CPED1: variants seen among roughly 807,000 people sequenced by gnomAD.
CPED1 encodes cadherin-like and PC-esterase domain-containing protein 1.
In CPED1, 114 loss-of-function variants were observed where a neutral mutation model predicts 128.2. That is an observed-to-expected ratio of 0.89 (90% confidence interval 0.76 to 1.04). CPED1 has a LOEUF of 1.04. Ranked by LOEUF, CPED1 falls within the 50% of genes least tolerant of loss-of-function variation. The probability of loss-of-function intolerance (pLI) is 0.00; values close to 1 mark genes in which losing one functional copy is unlikely to be tolerated. For missense variants in CPED1, 1,211 were observed against 1,207.1 expected, an observed-to-expected ratio of 1.00 and a Z score of -0.05; for synonymous variants, 462 against 426.7, an observed-to-expected ratio of 1.08 and a Z score of -1.02.
At chr7:120,998,270 A>G (rs1324422519) in intron 2 of CPED1, among the ~76,000 whole-genome samples, 1 of 152,232 alleles carries the variant, frequency 6.6e-6, no homozygotes, top group African/African-American at 2.4e-5. Flanking sequence ...GCTCTAGGAA[A>G]CTAATAAATT....
chr7:121,122,139 AT>A (rs34817474), intron 7 of CPED1, among the ~76,000 whole-genome samples: 39 of 127,284 alleles, frequency 3.1e-4, no homozygotes, highest in South Asian at 2.3e-3. Context: ...ACTCATCTGG[AT>A]TTTTTTTTTT....
At chr7:121,208,216 A>T (rs1038990231) in intron 16 of CPED1, among the ~76,000 whole-genome samples, 1 of 152,070 alleles carries the variant, frequency 6.6e-6, no homozygotes, top group Non-Finnish European at 1.5e-5. Context: ...TTTATTTTAT[A>T]TATTACGTAT....
chr7:121,014,997 A>G (rs927693656), intron 2 of CPED1, among the ~76,000 whole-genome samples: 1 of 152,226 alleles, frequency 6.6e-6, no homozygotes, highest in African/African-American at 2.4e-5. Flanking sequence ...TTGTTATTAG[A>G]ATTTCAATTT....
At chr7:121,225,790 G>A (rs965392799) in intron 16 of CPED1, among the ~76,000 whole-genome samples, 2 of 151,990 alleles carry the variant, frequency 1.3e-5, no homozygotes, top group East Asian at 1.9e-4. Context: ...GCTTGTGTAT[G>A]CATCACGAAG....
intron 18 of CPED1, among the ~76,000 whole-genome samples, chr7:121,249,857 C>G (rs1005513592): frequency 6.6e-6 from 1 of 152,068 alleles, no homozygotes; most frequent in African/African-American, 2.4e-5. Flanking sequence ...CTTAGACTCC[C>G]ACACAATAAT....
At position 121,141,988 on chromosome 7, in the gene CPED1, T is replaced by G; in HGVS notation, c.1902T>G (p.Pro634=). 6.2e-7 allele frequency: 1 copy of G among 1,612,348 alleles called. No individual in the cohort carries two copies. The highest frequency in any genetic ancestry group is 8.5e-7 in the Non-Finnish European group (1 of 1,178,796). ...EQAGPSFASY[P]LGLGMNKISI... ...TTCTCTCCAGCTTTGCCAGCTACCC[T>G]CTGGGCTTAGGAATGAACAAAATCT... The change falls in exon 16 of 23, where the codon CCT becomes CCG. Residue 634 remains proline (P), a synonymous_variant. Coordinates refer to ENST00000310396, the MANE Select transcript of CPED1 (RefSeq NM_024913.5).
chr7:121,031,789 A>G (rs1792741941), intron 3 of CPED1, among the ~76,000 whole-genome samples: 1 of 152,202 alleles, frequency 6.6e-6, no homozygotes. Flanking sequence ...TATATTATTG[A>G]CTAAATACAT....
At chr7:121,238,546 G>GCT (rs1186776028) in intron 17 of CPED1, among the ~76,000 whole-genome samples, 1 of 151,970 alleles carries the variant, frequency 6.6e-6, no homozygotes, top group African/African-American at 2.4e-5. Flanking sequence ...CTCTACAACA[G>GCT]CTCTTACCAT....
At chr7:121,100,536 T>C (rs1166410848) in intron 7 of CPED1, among the ~76,000 whole-genome samples, 1 of 152,094 alleles carries the variant, frequency 6.6e-6, no homozygotes, top group Non-Finnish European at 1.5e-5. Flanking sequence ...GAGTGAAAAA[T>C]AAAGCTCTCA....
chr7:121,063,381 G>GA (rs368502123), intron 4 of CPED1, among the ~76,000 whole-genome samples: 908 of 67,028 alleles, frequency 0.014, 48 homozygotes, highest in South Asian at 0.12. Context: ...TGAAGAAACT[G>GA]AAAAAAAAAA....
At chr7:121,262,530 G>T (rs1792041767) in intron 18 of CPED1, among the ~76,000 whole-genome samples, 1 of 151,984 alleles carries the variant, frequency 6.6e-6, no homozygotes, top group African/African-American at 2.4e-5. Flanking sequence ...ACATGTCTTT[G>T]TGTTTAAAAC....
rs559955994 is a variant in CPED1, at chr7:121,031,206, C to T, written c.433+15358C>T. On this transcript the variant is annotated intron_variant, in intron 3 of 22. Coordinates refer to ENST00000310396, the MANE Select transcript of CPED1 (RefSeq NM_024913.5). ...CTTGTTGCTATAAAATACAACTTTG[C>T]TGTGATATTCATTTATATCATATTT... is the stretch of plus-strand genomic sequence containing the variant. Among the ~76,000 whole-genome samples the T allele has an allele frequency of 6.6e-5, 10 of 152,234 alleles. No individual in the cohort carries two copies. The South Asian group carries it at 2.1e-3, about 32-fold the overall frequency.
intron 22 of CPED1, among the ~76,000 whole-genome samples, chr7:121,280,109 G>A (rs571254956): frequency 2.0e-5 from 3 of 152,288 alleles, no homozygotes; most frequent in African/African-American, 7.2e-5. Context: ...AAGTTCAAGA[G>A]CGTTAGATAG....
chr7:121,130,177 ATGTGGCAAATCC>A lies in CPED1; in HGVS notation c.1466_1477del (p.Ala489_Val492del), dbSNP rs1795626333. The A allele has an allele frequency of 6.2e-7, 1 of 1,612,942 alleles. No individual in the cohort carries two copies. Among genetic ancestry groups the A allele is most frequent in the African/African-American group, 1.3e-5 (1 of 74,862 alleles). On this transcript the variant is annotated inframe_deletion, in exon 12 of 23. Coordinates refer to ENST00000310396, the MANE Select transcript of CPED1 (RefSeq NM_024913.5). ...CAGTCACTGATGCATGAATTTTATG[ATGTGGCAAATCC>A]TGTGGGAAATCCTGGCTCAGTCCTG...
intron 22 of CPED1, among the ~76,000 whole-genome samples, chr7:121,275,854 T>C (rs1437839098): frequency 6.6e-6 from 1 of 151,858 alleles, no homozygotes; most frequent in African/African-American, 2.4e-5. Context: ...TAAAGTGTTT[T>C]ACTTTCTCCT....
rs191308115 is a variant in CPED1, at chr7:121,280,433, C to T, written c.2868+9003C>T. On this transcript the variant is annotated intron_variant, in intron 22 of 22. Transcript: ENST00000310396. ...ATTTGTTCCCAGAGCCAACGCTCAGCGTTGTCCAAGGGCAGGAGTTACAAA... is the reference window on the plus strand; with the variant it reads ...ATTTGTTCCCAGAGCCAACGCTCAGTGTTGTCCAAGGGCAGGAGTTACAAA... Among the ~76,000 whole-genome samples the T allele has an allele frequency of 1.6e-3, 243 of 152,252 alleles. 2 individuals are homozygous for T. Among genetic ancestry groups the T allele is most frequent in the Admixed American group, 5.6e-3 (85 of 15,282 alleles).
At chr7:121,059,327 A>G (rs1015941040) in intron 4 of CPED1, among the ~76,000 whole-genome samples, 2 of 152,216 alleles carry the variant, frequency 1.3e-5, no homozygotes, top group African/African-American at 4.8e-5. Context: ...CACTTGAGAC[A>G]TGGGGAGAAA....
chr7:121,060,320 G>C (rs368547212), intron 4 of CPED1, among the ~76,000 whole-genome samples: 20 of 152,370 alleles, frequency 1.3e-4, no homozygotes, highest in East Asian at 7.7e-4. Flanking sequence ...TGAGGAGTGC[G>C]GGCGCACGGC....
rs548693571 is a variant in CPED1, at chr7:121,021,220, G to T, written c.433+5372G>T. 1.9e-4 allele frequency among the ~76,000 whole-genome samples: 29 copies of T among 152,040 alleles called. No individual in the cohort carries two copies. The East Asian group carries it at 5.6e-3, about 29-fold the overall frequency. On this transcript the variant is annotated intron_variant, in intron 3 of 22. Transcript: ENST00000310396. ...AAAAGATATAGTTAATAGAGCAAGAGATACAGATCACTACTTAATGTTGTG... is the reference window on the plus strand; with the variant it reads ...AAAAGATATAGTTAATAGAGCAAGATATACAGATCACTACTTAATGTTGTG...
Sources: allele counts gnomAD v4.1 joint callset (sites outside exome capture counted in the v4.1 genomes callset), GRCh38; gene constraint gnomAD v4.1.1; transcripts MANE v1.5; gene names NCBI Gene and HGNC (gene_info 2026-07-23, HGNC 2026-07-21).